The following GBX1 variants were observed in gnomAD, a reference collection of about 807,000 sequenced individuals.
The protein encoded by GBX1 is homeobox protein GBX-1.
A neutral mutation model predicts 22.9 loss-of-function variants in GBX1; 9 were observed. The ratio of observed to expected loss-of-function variants is 0.39; its 90% CI spans 0.24 to 0.69. The LOEUF is 0.69. GBX1 is among the 30% of genes least tolerant of loss of function. GBX1 has a pLI of 0.43. For synonymous variants in GBX1, 203 were observed against 227.3 expected (o/e 0.89, Z 0.96); for missense variants, 494 against 509.2 (o/e 0.97, Z 0.29).
intron 1 of GBX1, among the ~76,000 whole-genome samples, chr7:151,165,710 C>T (rs1311676174): frequency 1.3e-5 from 2 of 152,166 alleles, no homozygotes; most frequent in Non-Finnish European, 2.9e-5. Context: ...AAGAAAACAA[C>T]AGCTGAATCC....
chr7:151,161,738 C>T (rs1484367285), intron 1 of GBX1, among the ~76,000 whole-genome samples: 2 of 152,110 alleles, frequency 1.3e-5, no homozygotes, highest in African/African-American at 2.4e-5. Context: ...GATTTTTGGC[C>T]TATATTCATA....
intron 1 of GBX1, among the ~76,000 whole-genome samples, chr7:151,151,216 T>C (rs973105472): frequency 6.6e-6 from 1 of 152,200 alleles, no homozygotes; most frequent in Admixed American, 6.5e-5. Context: ...AGTCTTCCCA[T>C]GCCACTCCTG....
chr7:151,159,988 T>C (rs1801173664), intron 1 of GBX1, among the ~76,000 whole-genome samples: 1 of 152,178 alleles, frequency 6.6e-6, no homozygotes, highest in Admixed American at 6.5e-5. Context: ...TCAAGATGCA[T>C]GCATCTTACC....
intron 1 of GBX1, among the ~76,000 whole-genome samples, chr7:151,160,041 G>C (rs77722677): frequency 0.041 from 6,278 of 152,144 alleles, 193 homozygotes; most frequent in Non-Finnish European, 0.066. Context: ...CCACTGAAAA[G>C]TATAGTTTCC....
intron 1 of GBX1, among the ~76,000 whole-genome samples, chr7:151,158,443 GT>G (rs773437795): frequency 6.6e-6 from 1 of 151,380 alleles, no homozygotes; most frequent in Non-Finnish European, 1.5e-5. Flanking sequence ...AACAAGAAGA[GT>G]TTTTTTGTTT....
At position 151,167,173 on chromosome 7, in the gene GBX1, C is replaced by T. The variant is rs1332999044; in HGVS notation, c.376G>A (p.Ala126Thr). ...CGGGCGGCAGTGGCGGCGGCGGCGG[C>T]AGCGGCGGCGGCGAGCTCCTGGGGC... ...YGPQELAAAA[A>T]AAAATAARNN... Residue 126 changes from alanine to threonine, a missense_variant, in exon 1 of 2, where the codon GCC becomes ACC. Ala to Thr is a moderately conservative substitution (Grantham distance 58). Coordinates refer to ENST00000297537, the MANE Select transcript of GBX1 (RefSeq NM_001098834.3). The surrounding 1 kb of genome is among the most constrained non-coding windows in gnomAD (Gnocchi z 5.9). 6.3e-7 allele frequency: 1 copy of T among 1,581,866 alleles called. No homozygotes were observed. The highest frequency in any genetic ancestry group is 1.8e-4 in the Middle Eastern group (1 of 5,474).
chr7:151,150,042 G>C (rs1253237215), intron 1 of GBX1: 2 of 413,814 alleles, frequency 4.8e-6, no homozygotes, highest in Non-Finnish European at 9.8e-6. Context: ...TATGGGAGGA[G>C]GAGGAGGAAG....
In GBX1 at chr7:151,166,058, C is replaced by T. The variant is rs1039797811; in HGVS notation, c.538+953G>A. 2.0e-5 allele frequency among the ~76,000 whole-genome samples: 3 copies of T among 152,084 alleles called. No individual in the cohort carries two copies. In the South Asian group the frequency reaches 6.2e-4, roughly 32 times the overall value. ...TGGTGCCTATTTTTCTTAAATAGGG[C>T]CCAGCAAATTGTATAAGCTTTGGAA... On this transcript the variant is annotated intron_variant, in intron 1 of 1. Transcript: ENST00000297537.
chr7:151,157,882 G>C (rs1272596288), intron 1 of GBX1, among the ~76,000 whole-genome samples: 2 of 152,098 alleles, frequency 1.3e-5, no homozygotes, highest in African/African-American at 4.8e-5. Context: ...AATCCACTCA[G>C]GTCCTATAAC....
rs1563545936 is a variant in GBX1, at chr7:151,149,252, G to C, written c.539-110C>G. The C allele has an allele frequency of 1.2e-5, 12 of 1,016,992 alleles. No homozygotes were observed. The South Asian group carries it at 1.9e-4, about 16-fold the overall frequency. 63.0% of individuals were successfully genotyped at this position (1,016,992 alleles called of 1,614,324 possible). On this transcript the variant is annotated intron_variant, in intron 1 of 1. Coordinates refer to ENST00000297537, the MANE Select transcript of GBX1 (RefSeq NM_001098834.3). ...AATGGGGGGTTGGGAGACAAGAGCA[G>C]GAAAAAAGAGAGCCATGGAGAGGAG...
At chr7:151,162,644 C>T (rs1366361500) in intron 1 of GBX1, among the ~76,000 whole-genome samples, 1 of 152,140 alleles carries the variant, frequency 6.6e-6, no homozygotes, top group Non-Finnish European at 1.5e-5. Context: ...TTAGTTTTCA[C>T]GTCAATCTCT....
intron 1 of GBX1, among the ~76,000 whole-genome samples, chr7:151,164,509 G>A (rs80144532): frequency 0.016 from 2,409 of 152,252 alleles, 68 homozygotes; most frequent in African/African-American, 0.054. Context: ...AGTTGGAAGC[G>A]TGTTTACTGA....
Position 151,148,590 on chromosome 7 carries a change from C to T in GBX1, c.1091G>A (p.Ter364=), listed in dbSNP as rs750469482. The stretch of plus-strand genomic sequence containing the variant: ...CTTCCTAAGTTCTTGGGTGCCCATT[C>T]AGGGCCGGGCCCCCTGCTCCATTTG... ...HQQMEQGARP[*] The change falls in exon 2 of 2, where the codon TGA becomes TAA. Residue 364 remains the stop codon, a stop_retained_variant. Transcript: ENST00000297537. This position sits in a 1 kb window ranked among gnomAD's most constrained non-coding sequence, Gnocchi z 5.1. 5 of 1,611,950 alleles carry T rather than the reference C, an allele frequency of 3.1e-6. No homozygotes were observed. In the African/African-American group the frequency reaches 6.7e-5, roughly 22 times the overall value.
rs747866558 is a variant in GBX1, at chr7:151,148,600, C to T, written c.1081G>A (p.Ala361Thr). The T allele has an allele frequency of 8.7e-6, 14 of 1,612,808 alleles. No homozygotes were observed. The Admixed American group carries it at 2.2e-4, about 25-fold the overall frequency. ...RSQHQQMEQG[A>T]RP Reference sequence around the variant, plus strand: ...TCTTGGGTGCCCATTCAGGGCCGGGCCCCCTGCTCCATTTGTTGGTGCTGG... The same window carrying T: ...TCTTGGGTGCCCATTCAGGGCCGGGTCCCCTGCTCCATTTGTTGGTGCTGG... Residue 361 changes from alanine to threonine, a missense_variant, in exon 2 of 2, where the codon GCC (alanine) becomes ACC (threonine). Transcript: ENST00000297537. This position sits in a 1 kb window ranked among gnomAD's most constrained non-coding sequence, Gnocchi z 5.1.
At chr7:151,151,399 G>A (rs529996609) in intron 1 of GBX1, among the ~76,000 whole-genome samples, 1 of 152,148 alleles carries the variant, frequency 6.6e-6, no homozygotes, top group African/African-American at 2.4e-5. Context: ...CTCACCCCTA[G>A]CCAAATCTAT....
intron 1 of GBX1, among the ~76,000 whole-genome samples, chr7:151,163,488 C>A (rs1456841647): frequency 6.6e-6 from 1 of 152,130 alleles, no homozygotes; most frequent in East Asian, 1.9e-4. Flanking sequence ...TACTGACCAA[C>A]TGAAACATGG....
intron 1 of GBX1, among the ~76,000 whole-genome samples, chr7:151,154,297 T>C (rs1399676260): frequency 6.6e-6 from 1 of 152,138 alleles, no homozygotes; most frequent in Non-Finnish European, 1.5e-5. Flanking sequence ...AAATGTTACA[T>C]GGAAAATTGC....
At chr7:151,157,269 C>G (rs1365831077) in intron 1 of GBX1, among the ~76,000 whole-genome samples, 1 of 152,186 alleles carries the variant, frequency 6.6e-6, no homozygotes, top group Non-Finnish European at 1.5e-5. Context: ...GCACTCCAGC[C>G]TGGGCAACAG....
chr7:151,164,202 G>C (rs1801224761), intron 1 of GBX1, among the ~76,000 whole-genome samples: 1 of 152,098 alleles, frequency 6.6e-6, no homozygotes, highest in Admixed American at 6.5e-5. Flanking sequence ...ATTCACACAA[G>C]GAAAACAATT....
Sources: gnomAD v4.1 joint callset for allele counts (sites outside exome capture counted in the v4.1 genomes callset) on GRCh38, gnomAD v4.1.1 for gene constraint, Gnocchi (gnomAD v3.1) non-coding constraint, MANE v1.5 for transcripts, NCBI Gene and HGNC (gene_info 2026-07-23, HGNC 2026-07-21) for gene names.